SEM1: variants seen among roughly 807,000 people sequenced by gnomAD.
The protein encoded by SEM1 is SEM1 26S proteasome subunit.
In SEM1, 3 loss-of-function variants were observed where a neutral mutation model predicts 12.7. The ratio of observed to expected loss-of-function variants is 0.24; its 90% CI spans 0.11 to 0.61. The LOEUF (loss-of-function observed/expected upper bound fraction) is 0.61, where lower values mean the gene tolerates loss of function less well. Among genes scored for constraint, SEM1 ranks in the 20% least tolerant of loss-of-function variants. The pLI, the probability that SEM1 is intolerant of heterozygous loss-of-function variation, is 0.88. For synonymous variants in SEM1, 30 were observed against 27.8 expected, an observed-to-expected ratio of 1.08 and a Z score of -0.25; for missense variants, 59 against 81.3, an observed-to-expected ratio of 0.73 and a Z score of 1.06.
chr7:96,548,364 A>G (rs1052711414), intron 2 of SEM1, among the ~76,000 whole-genome samples: 1 of 152,150 alleles, frequency 6.6e-6, no homozygotes, highest in Non-Finnish European at 1.5e-5. Flanking sequence ...TCTTTAGAAC[A>G]TTGCTACTCA....
At chr7:96,518,406 CA>C (rs1445059968) in intron 2 of SEM1, among the ~76,000 whole-genome samples, 1 of 152,032 alleles carries the variant, frequency 6.6e-6, no homozygotes, top group Non-Finnish European at 1.5e-5. Flanking sequence ...ATGAGTATAA[CA>C]AAAGTATAAT....
chr7:96,582,746 T>G (rs1806459877), intron 2 of SEM1, among the ~76,000 whole-genome samples: 1 of 152,280 alleles, frequency 6.6e-6, no homozygotes, highest in Non-Finnish European at 1.5e-5. Context: ...CCAGATTTTC[T>G]AGTTTATTTG....
intron 2 of SEM1, among the ~76,000 whole-genome samples, chr7:96,578,190 G>T (rs1156637034): frequency 6.6e-6 from 1 of 151,230 alleles, no homozygotes; most frequent in Non-Finnish European, 1.5e-5. Context: ...ATTGGGGAAA[G>T]ACACAATTCA....
intron 2 of SEM1, among the ~76,000 whole-genome samples, chr7:96,522,357 C>T (rs1480899123): frequency 6.6e-6 from 1 of 152,104 alleles, no homozygotes; most frequent in Non-Finnish European, 1.5e-5. Context: ...ATGTTAGCTT[C>T]TCCTATTTGG....
At chr7:96,515,527 T>C (rs4729262) in intron 2 of SEM1, among the ~76,000 whole-genome samples, 4,077 of 152,268 alleles carry the variant, frequency 0.027, 91 homozygotes, top group East Asian at 0.074. Flanking sequence ...CATTACTGGG[T>C]ATATACCCAA....
chr7:96,666,097 T>C (rs1420418257), intron 2 of SEM1, among the ~76,000 whole-genome samples: 1 of 152,190 alleles, frequency 6.6e-6, no homozygotes, highest in Non-Finnish European at 1.5e-5. Flanking sequence ...TTAGCAACTT[T>C]AATTTCCCAC....
At chr7:96,555,402 T>C (rs1442326693) in intron 2 of SEM1, among the ~76,000 whole-genome samples, 3 of 150,480 alleles carry the variant, frequency 2.0e-5, no homozygotes, top group Non-Finnish European at 4.4e-5. Context: ...TTTGTTCTCG[T>C]TGGTTTCAAA....
chr7:96,551,329 T>C (rs561798469), intron 2 of SEM1, among the ~76,000 whole-genome samples: 9 of 152,180 alleles, frequency 5.9e-5, no homozygotes, highest in Admixed American at 1.3e-4. Context: ...GCTTTGCAGA[T>C]ATAATTAAGG....
At chr7:96,528,718 A>G (rs1251791103) in intron 2 of SEM1, among the ~76,000 whole-genome samples, 2 of 152,128 alleles carry the variant, frequency 1.3e-5, no homozygotes, top group East Asian at 3.9e-4. Flanking sequence ...AGAAATGCAG[A>G]ATCTCAGACC....
In SEM1 at chr7:96,624,115, A is replaced by C. The variant is rs534472189; in HGVS notation, c.171-1472T>G. ...TCCATCTTTTAACATATAAGGTAAT[A>C]TTGATAGGTTCTGAAGATTAGGGCA... is the stretch of plus-strand genomic sequence containing the variant. On this transcript the variant is annotated intron_variant, in intron 2 of 2. Transcript: ENST00000417009. Among the ~76,000 whole-genome samples the C allele has an allele frequency of 2.0e-5, 3 of 152,284 alleles. No individual in the cohort carries two copies. The East Asian group carries it at 5.8e-4, about 29-fold the overall frequency.
chr7:96,673,786 T>A, exon 3 of SEM1: 1 of 765,256 alleles, frequency 1.3e-6, no homozygotes, highest in Non-Finnish European at 2.4e-6. Context: ...GCACTGCACA[T>A]TCTTCCCTTT....
intron 2 of SEM1, among the ~76,000 whole-genome samples, chr7:96,666,321 A>G (rs1180735409): frequency 6.6e-6 from 1 of 152,180 alleles, no homozygotes; most frequent in African/African-American, 2.4e-5. Context: ...CAACAGAACT[A>G]GAGTCCTGGG....
intron 2 of SEM1, among the ~76,000 whole-genome samples, chr7:96,514,529 A>C (rs1804030258): frequency 1.3e-5 from 2 of 151,898 alleles, no homozygotes; most frequent in African/African-American, 4.8e-5. Context: ...TAAGTAATTG[A>C]CAAAAAACCT....
At chr7:96,606,032 C>A (rs1364506591) in intron 2 of SEM1, among the ~76,000 whole-genome samples, 1 of 151,978 alleles carries the variant, frequency 6.6e-6, no homozygotes, top group Admixed American at 6.6e-5. Flanking sequence ...TTCAAGTCAC[C>A]CTTATTTTAC....
chr7:96,620,073 A>G (rs1807842673), downstream of SEM1, among the ~76,000 whole-genome samples: 1 of 152,108 alleles, frequency 6.6e-6, no homozygotes, highest in African/African-American at 2.4e-5. Context: ...AGGAGAGCCT[A>G]GTTTCCCTGA....
At chr7:96,704,384 C>T (rs1166382690) in intron 1 of SEM1, among the ~76,000 whole-genome samples, 1 of 151,934 alleles carries the variant, frequency 6.6e-6, no homozygotes, top group African/African-American at 2.4e-5. Context: ...TTACCATAAG[C>T]GGTTACTTAT....
Position 96,634,579 on chromosome 7 carries a change from T to C in SEM1, c.171-11936A>G, listed in dbSNP as rs546113179. Among the ~76,000 whole-genome samples, 72 of 148,340 alleles carry C rather than the reference T, an allele frequency of 4.9e-4. 1 individual carries two copies. The highest frequency in any genetic ancestry group is 1.7e-3 in the African/African-American group (68 of 40,906). ...TCTCTCTCATATACATGCATATATA[T>C]ATTATATATAAGATATGTATATAAT... On this transcript the variant is annotated intron_variant, in intron 2 of 2. Coordinates refer to the SEM1 transcript ENST00000417009.
At chr7:96,659,930 A>AC (rs1554430840) in intron 2 of SEM1, among the ~76,000 whole-genome samples, 5 of 150,306 alleles carry the variant, frequency 3.3e-5, no homozygotes, top group Middle Eastern at 3.4e-3. Context: ...AAAAAAAAAA[A>AC]CAAAAACAAG....
chr7:96,523,387 G>C (rs1045278587), intron 2 of SEM1, among the ~76,000 whole-genome samples: 1 of 151,972 alleles, frequency 6.6e-6, no homozygotes, highest in African/African-American at 2.4e-5. Flanking sequence ...TAAGAGGCGG[G>C]GCTTAGATTA....
Sources: allele counts gnomAD v4.1 joint callset (sites outside exome capture counted in the v4.1 genomes callset), GRCh38; gene constraint gnomAD v4.1.1; transcripts MANE v1.5; gene names NCBI Gene and HGNC (gene_info 2026-07-23, HGNC 2026-07-21).